Variants in GRIN2A observed in about 807,000 individuals in gnomAD.
The protein encoded by GRIN2A is glutamate receptor ionotropic, NMDA 2A.
Under a neutral mutation model 113.4 loss-of-function variants are expected in GRIN2A, and 22 were observed. The ratio of observed to expected loss-of-function variants is 0.19; its 90% CI spans 0.14 to 0.28. The LOEUF (loss-of-function observed/expected upper bound fraction) is 0.28, where lower values mean the gene tolerates loss of function less well. Ranked by LOEUF, GRIN2A falls within the 10% of genes least tolerant of loss-of-function variation. GRIN2A has a pLI of 1.00. For synonymous variants in GRIN2A, 827 were observed against 738.4 expected (o/e 1.12, Z -1.94); for missense variants, 1,502 against 1,887.0 (o/e 0.80, Z 3.78).
At chr16:10,073,986 A>G (rs1407804645) in intron 2 of GRIN2A, among the ~76,000 whole-genome samples, 3 of 152,170 alleles carry the variant, frequency 2.0e-5, no homozygotes, top group African/African-American at 7.2e-5. Context: ...ATATCTCATA[A>G]AAGTCTAGTA....
chr16:10,178,937 C>T (rs1464119847), intron 2 of GRIN2A, among the ~76,000 whole-genome samples: 1 of 152,226 alleles, frequency 6.6e-6, no homozygotes, highest in African/African-American at 2.4e-5. Flanking sequence ...TCCTCGCCTT[C>T]TGAACTCCCA....
chr16:10,080,291 T>C (rs1453352468), intron 2 of GRIN2A, among the ~76,000 whole-genome samples: 1 of 152,198 alleles, frequency 6.6e-6, no homozygotes, highest in African/African-American at 2.4e-5. Context: ...GGTTTCCTGA[T>C]TACCTTATCT....
At chr16:10,118,911 C>T (rs965612817) in intron 2 of GRIN2A, among the ~76,000 whole-genome samples, 7 of 152,108 alleles carry the variant, frequency 4.6e-5, no homozygotes, top group Non-Finnish European at 8.8e-5. Flanking sequence ...CACATTCAGG[C>T]CAGGACTCTT....
chr16:10,179,169 C>G (rs2142384148), intron 2 of GRIN2A, among the ~76,000 whole-genome samples: 1 of 152,338 alleles, frequency 6.6e-6, no homozygotes, highest in African/African-American at 2.4e-5. Flanking sequence ...CCCTCCCTCT[C>G]ATTCAGAGCC....
rs2042657690 is a variant in GRIN2A at position 9,840,644 on chromosome 16, C to T, written c.1651+3G>A. On this transcript the variant is annotated splice_donor_region_variant and intron_variant, in intron 7 of 12. Coordinates refer to ENST00000330684, the MANE Select transcript of GRIN2A (RefSeq NM_001134407.3). ...AGCAATAGTCACTATGAAATTCACA[C>T]ACCTAGAAAAGCAGAAGGTGAGACG... The T allele has an allele frequency of 6.2e-7, 1 of 1,612,996 alleles. No individual in the cohort carries two copies. The highest frequency in any genetic ancestry group is 8.5e-7 in the Non-Finnish European group (1 of 1,179,176).
chr16:9,853,597 C>G (rs998905553), intron 4 of GRIN2A, among the ~76,000 whole-genome samples: 1 of 152,164 alleles, frequency 6.6e-6, no homozygotes, highest in East Asian at 1.9e-4. Context: ...TATTCTGTTA[C>G]AGCAACCCAA....
intron 10 of GRIN2A, chr16:9,805,519 C>G (rs529608204): frequency 6.6e-6 from 1 of 152,168 alleles, no homozygotes; most frequent in Admixed American, 6.5e-5. Context: ...CACATTAGCA[C>G]TTGAGGTCAG....
intron 2 of GRIN2A, among the ~76,000 whole-genome samples, chr16:10,037,816 G>C (rs2047063082): frequency 6.6e-6 from 1 of 152,002 alleles, no homozygotes; most frequent in Non-Finnish European, 1.5e-5. Flanking sequence ...ACAGGGTCTT[G>C]CTATGTTGCC....
intron 2 of GRIN2A, among the ~76,000 whole-genome samples, chr16:10,178,825 G>T (rs2050202371): frequency 6.6e-6 from 1 of 152,194 alleles, no homozygotes; most frequent in African/African-American, 2.4e-5. Context: ...GCGCTACAGT[G>T]AATGTCTGCT....
intron 2 of GRIN2A, among the ~76,000 whole-genome samples, chr16:9,987,409 T>G (rs1376885074): frequency 6.6e-6 from 1 of 152,266 alleles, no homozygotes; most frequent in Non-Finnish European, 1.5e-5. Context: ...TTGTTTTCTT[T>G]GTATACTGTT....
intron 2 of GRIN2A, among the ~76,000 whole-genome samples, chr16:10,145,977 C>T (rs2049430868): frequency 6.6e-6 from 1 of 152,196 alleles, no homozygotes; most frequent in African/African-American, 2.4e-5. Context: ...AGTCTCCTCT[C>T]TTTAGAGAAA....
At chr16:10,003,683 C>T (rs919109455) in intron 2 of GRIN2A, among the ~76,000 whole-genome samples, 3 of 152,132 alleles carry the variant, frequency 2.0e-5, no homozygotes, top group African/African-American at 7.2e-5. Flanking sequence ...ATGAAGCACA[C>T]AGTAATTAGA....
In GRIN2A at chr16:10,102,364, G is replaced by A. The variant is rs1449028343; in HGVS notation, c.414+77634C>T. Among the ~76,000 whole-genome samples, 11 of 152,186 alleles carry A rather than the reference G, an allele frequency of 7.2e-5. No individual in the cohort carries two copies. In the East Asian group the frequency reaches 1.7e-3, roughly 24 times the overall value. On this transcript the variant is annotated intron_variant, in intron 2 of 12. Coordinates refer to ENST00000330684, the MANE Select transcript of GRIN2A (RefSeq NM_001134407.3). ...TCTCTTGCTCTGTCTTTCACCATGC[G>A]ATATGCTACCCCCCTTTCACCTTCC...
At chr16:9,785,993 T>A (rs1902208838) in intron 11 of GRIN2A, among the ~76,000 whole-genome samples, 1 of 152,168 alleles carries the variant, frequency 6.6e-6, no homozygotes, top group African/African-American at 2.4e-5. Flanking sequence ...GGTGAATACA[T>A]GGGAAGGGGG....
At chr16:10,034,535 C>CAAA (rs58076569) in intron 2 of GRIN2A, among the ~76,000 whole-genome samples, 18 of 36,430 alleles carry the variant, frequency 4.9e-4, no homozygotes, top group Non-Finnish European at 6.1e-4. Flanking sequence ...CAAAAAAAAG[C>CAAA]AAAAAAAAAA....
rs1433795312 is a variant in GRIN2A, at chr16:9,938,468, G to C, written c.498C>G (p.Asp166Glu). 3 of 1,613,698 alleles carry C rather than the reference G, an allele frequency of 1.9e-6. No homozygotes were observed. Among genetic ancestry groups the C allele is most frequent in the Non-Finnish European group, 2.5e-6 (3 of 1,179,980 alleles). The change falls in exon 3 of 13, where the codon GAC (aspartate) becomes GAG (glutamate). Residue 166 changes from aspartate to glutamate, a missense_variant. Transcript: ENST00000330684. ...TGGTCACCAGGGAGAAGACATGCCA[G>C]TCATAATCCTGCATGATCTTCAGCA... Reference protein sequence around the residue: ...TVMLKIMQDYDWHVFSLVTTI... With the variant: ...TVMLKIMQDYEWHVFSLVTTI...
chr16:10,100,224 A>G (rs2142106554), intron 2 of GRIN2A, among the ~76,000 whole-genome samples: 1 of 152,346 alleles, frequency 6.6e-6, no homozygotes, highest in South Asian at 2.1e-4. Flanking sequence ...TCCTATCACC[A>G]TAGCAACGGG....
intron 2 of GRIN2A, chr16:10,111,960 A>G: frequency 1.4e-6 from 1 of 720,596 alleles, no homozygotes; most frequent in East Asian, 2.5e-5. Context: ...CAGGCATGAC[A>G]TTGAAACAGG....
chr16:10,022,421 TC>T (rs2046742563), intron 2 of GRIN2A, among the ~76,000 whole-genome samples: 1 of 152,052 alleles, frequency 6.6e-6, no homozygotes, highest in African/African-American at 2.4e-5. Context: ...ACAAATCTCT[TC>T]CTTCTGTCTA....
Sources: allele counts gnomAD v4.1 joint callset (sites outside exome capture counted in the v4.1 genomes callset), GRCh38; gene constraint gnomAD v4.1.1; transcripts MANE v1.5; gene names NCBI Gene and HGNC (gene_info 2026-07-23, HGNC 2026-07-21).